NDUFA9: variants seen among roughly 807,000 people sequenced by gnomAD.
The protein encoded by NDUFA9 is NADH:ubiquinone oxidoreductase subunit A9.
Under a neutral mutation model 45.9 loss-of-function variants are expected in NDUFA9, and 23 were observed. The ratio of observed to expected loss-of-function variants is 0.50; its 90% CI spans 0.36 to 0.71. The LOEUF is 0.71. Ranked by LOEUF, NDUFA9 falls within the 30% of genes least tolerant of loss-of-function variation. The probability of loss-of-function intolerance (pLI) is 0.00; values close to 1 mark genes in which losing one functional copy is unlikely to be tolerated. For synonymous variants in NDUFA9, 176 were observed against 170.5 expected, an observed-to-expected ratio of 1.03 and a Z score of -0.25; for missense variants, 466 against 488.2, an observed-to-expected ratio of 0.95 and a Z score of 0.43.
chr12:4,666,988 G>A (rs1258092556), intron 6 of NDUFA9, among the ~76,000 whole-genome samples: 4 of 152,160 alleles, frequency 2.6e-5, no homozygotes, highest in Non-Finnish European at 5.9e-5. Context: ...ATATGTCTTA[G>A]TCCATTTTGG....
intron 8 of NDUFA9, among the ~76,000 whole-genome samples, chr12:4,670,431 A>AC (rs1174674311): frequency 2.0e-5 from 3 of 152,210 alleles, no homozygotes; most frequent in Non-Finnish European, 4.4e-5. Context: ...TATCAAATTC[A>AC]CCTGGTAAGT....
intron 5 of NDUFA9, among the ~76,000 whole-genome samples, chr12:4,659,444 C>A (rs1023020402): frequency 6.6e-6 from 1 of 152,148 alleles, no homozygotes; most frequent in Admixed American, 6.5e-5. Flanking sequence ...TTCTTTGGGG[C>A]ATCATTGAAT....
intron 8 of NDUFA9, among the ~76,000 whole-genome samples, chr12:4,674,333 G>T (rs976937759): frequency 6.6e-6 from 1 of 152,078 alleles, no homozygotes; most frequent in Non-Finnish European, 1.5e-5. Context: ...AACCTTAAAT[G>T]GCTTCCTTGC....
rs1298653968 is a variant in NDUFA9, at chr12:4,651,517, AC to A, written c.49+2343del. ...CTTGGCCCATAATTATTAAAAAAAA[AC>A]AATAGCCATGTGAGGTTAGTGTGAC... On this transcript the variant is annotated intron_variant, in intron 1 of 10. Coordinates refer to ENST00000266544, the MANE Select transcript of NDUFA9 (RefSeq NM_005002.5). Among the ~76,000 whole-genome samples, 14 of 152,250 alleles carry A rather than the reference AC, an allele frequency of 9.2e-5. No individual in the cohort carries two copies. The East Asian group carries it at 2.5e-3, about 27-fold the overall frequency.
At position 4,649,188 on chromosome 12, in the gene NDUFA9, G is replaced by A. The variant is rs761593436; in HGVS notation, c.49+13G>A. 6.3e-7 allele frequency: 1 copy of A among 1,599,606 alleles called. No individual in the cohort carries two copies. The highest frequency in any genetic ancestry group is 1.1e-5 in the South Asian group (1 of 88,318). ...CTGTCAATGTCACGTAAGTGTTACC[G>A]GGAACGGCGGCCCCTGGTCGGGATT... On this transcript the variant is annotated intron_variant, in intron 1 of 10. Coordinates refer to ENST00000266544, the MANE Select transcript of NDUFA9 (RefSeq NM_005002.5).
intron 10 of NDUFA9, among the ~76,000 whole-genome samples, chr12:4,686,126 G>A (rs4147693): frequency 0.2 from 30,798 of 152,156 alleles, 3,509 homozygotes; most frequent in East Asian, 0.45. Flanking sequence ...TGTCTCTTAC[G>A]TTTATACTTG....
intron 1 of NDUFA9, among the ~76,000 whole-genome samples, chr12:4,650,054 T>A (rs1206417604): frequency 1.3e-5 from 2 of 152,210 alleles, no homozygotes; most frequent in Non-Finnish European, 2.9e-5. Flanking sequence ...AGAATATCAT[T>A]TGCTTTCAAA....
At chr12:4,650,396 T>G (rs1242723851) in intron 1 of NDUFA9, among the ~76,000 whole-genome samples, 2 of 152,240 alleles carry the variant, frequency 1.3e-5, no homozygotes, top group East Asian at 3.9e-4. Context: ...TGACGTAATG[T>G]AGATTGTGAA....
chr12:4,676,352 T>C, intron 8 of NDUFA9, among the ~76,000 whole-genome samples: 1 of 152,328 alleles, frequency 6.6e-6, no homozygotes, highest in Admixed American at 6.5e-5. Flanking sequence ...AGTCAAATTG[T>C]CTCTGTTTGC....
intron 1 of NDUFA9, among the ~76,000 whole-genome samples, chr12:4,653,107 G>GAGTTAGT: frequency 6.6e-6 from 1 of 152,246 alleles, no homozygotes; most frequent in Admixed American, 6.5e-5. Context: ...TTACATGAAA[G>GAGTTAGT]TTGAGCAGCT....
chr12:4,666,185 T>C lies in NDUFA9; in HGVS notation c.656-2272T>C, dbSNP rs572757137. Among the ~76,000 whole-genome samples, 7 of 152,328 alleles carry C rather than the reference T, an allele frequency of 4.6e-5. No individual in the cohort carries two copies. The East Asian group carries it at 1.2e-3, about 25-fold the overall frequency. On this transcript the variant is annotated intron_variant, in intron 6 of 10. Transcript: ENST00000266544. ...CATGTGCTTTTTGGCTACTTTATTA[T>C]TTGGAGAAATGTCTGTTCATGTCCT...
rs577312971 is a variant in NDUFA9 at position 4,651,217 on chromosome 12, T to C, written c.49+2042T>C. Reference sequence around the variant, plus strand: ...TGGACTATTGGTTTGGGTATTGCAGTAGGAAACTAATGTAGGTTTTTAAGC... The same window carrying C: ...TGGACTATTGGTTTGGGTATTGCAGCAGGAAACTAATGTAGGTTTTTAAGC... On this transcript the variant is annotated intron_variant, in intron 1 of 10. Coordinates refer to ENST00000266544, the MANE Select transcript of NDUFA9 (RefSeq NM_005002.5). 5.3e-5 allele frequency among the ~76,000 whole-genome samples: 8 copies of C among 152,278 alleles called. No homozygotes were observed. In the East Asian group the frequency reaches 1.5e-3, roughly 29 times the overall value.
intron 10 of NDUFA9, 54 bp downstream of exon 10, chr12:4,685,379 T>A (rs1945979577): frequency 6.6e-7 from 1 of 1,518,642 alleles, no homozygotes; most frequent in Non-Finnish European, 9.1e-7. Context: ...GCGTTAGACT[T>A]ATTTTGCTTT....
At chr12:4,677,344 TATC>T (rs1284632621) in intron 8 of NDUFA9, among the ~76,000 whole-genome samples, 6 of 152,166 alleles carry the variant, frequency 3.9e-5, no homozygotes, top group Admixed American at 6.5e-5. Context: ...CAAAAGAAAC[TATC>T]ATCAGAGTGA....
Position 4,654,463 on chromosome 12 carries a change from GT to G in NDUFA9, c.220+2del, listed in dbSNP as rs1315062174. On this transcript the variant is annotated splice_donor_variant, in intron 2 of 10. Coordinates refer to ENST00000266544, the MANE Select transcript of NDUFA9 (RefSeq NM_005002.5). LOFTEE classifies it high-confidence loss of function. ...GGGCGATATGTTGTCAACCACCTTG[GT>G]AAGTAAAGTTCCTTAAGTTCATATG... 3 of 1,613,908 alleles carry G rather than the reference GT, an allele frequency of 1.9e-6. No individual in the cohort carries two copies. Among genetic ancestry groups the G allele is most frequent in the South Asian group, 1.1e-5 (1 of 91,066 alleles).
chr12:4,654,585 T>A (rs1179760776), intron 2 of NDUFA9, 123 bp downstream of exon 2: 87 of 1,187,526 alleles, frequency 7.3e-5, no homozygotes, highest in Non-Finnish European at 1.0e-4. Flanking sequence ...CTTGGATGTA[T>A]GTAATTTTTA....
At chr12:4,659,309 C>A in intron 5 of NDUFA9, 132 bp downstream of exon 5, 1 of 771,510 alleles carries the variant, frequency 1.3e-6, no homozygotes, top group Non-Finnish European at 2.0e-6. Context: ...TCCCTGCATC[C>A]AGAACTAGGG....
At chr12:4,654,786 T>C (rs1945779831) in intron 2 of NDUFA9, 39 bp from the exon 3 acceptor site, 1 of 1,418,498 alleles carries the variant, frequency 7.0e-7, no homozygotes, top group East Asian at 2.3e-5. Context: ...ATCCACATTA[T>C]GTTAATGTTG....
chr12:4,666,508 T>A (rs1945853952), intron 6 of NDUFA9, among the ~76,000 whole-genome samples: 1 of 152,232 alleles, frequency 6.6e-6, no homozygotes, highest in African/African-American at 2.4e-5. Context: ...CTAAGAGTTT[T>A]AGAGTTTTAG....
Sources: gnomAD v4.1 joint callset for allele counts (sites outside exome capture counted in the v4.1 genomes callset) on GRCh38, gnomAD v4.1.1 for gene constraint, MANE v1.5 for transcripts, NCBI Gene and HGNC (gene_info 2026-07-23, HGNC 2026-07-21) for gene names.